The following HMGN5 variants were observed in gnomAD, a reference collection of about 807,000 sequenced individuals.
HMGN5 encodes the protein high mobility group nucleosome binding domain 5.
A neutral mutation model predicts 9.5 loss-of-function variants in HMGN5; 4 were observed. The observed-to-expected ratio is 0.42, with a 90% confidence interval of 0.21 to 0.96. HMGN5 has a LOEUF of 0.96. Among genes scored for constraint, HMGN5 ranks in the 40% least tolerant of loss-of-function variants. The pLI is 0.30. For missense variants in HMGN5, 192 were observed against 187.5 expected (o/e 1.02, Z -0.14); for synonymous variants, 55 against 57.1 (o/e 0.96, Z 0.16).
intron 1 of HMGN5, among the ~76,000 whole-genome samples, chrX:81,173,634 T>C (rs1394307234): frequency 1.8e-5 from 2 of 112,362 alleles, no homozygotes; most frequent in Non-Finnish European, 3.8e-5. Context: ...CGCTATTTTG[T>C]GTGTTTTATA....
At chrX:81,142,184 AAAT>A (rs2075331669) in intron 1 of HMGN5, among the ~76,000 whole-genome samples, 1 of 111,816 alleles carries the variant, frequency 8.9e-6, no homozygotes, top group Non-Finnish European at 1.9e-5. Flanking sequence ...AAAAAAGAAT[AAAT>A]AACCAAAAAG....
chrX:81,165,165 C>G (rs752874793), intron 1 of HMGN5, among the ~76,000 whole-genome samples: 2 of 110,687 alleles, frequency 1.8e-5, no homozygotes, highest in East Asian at 5.7e-4. Flanking sequence ...GTATTTTTTC[C>G]TTAGTTGGTC....
rs980967625 is a variant in HMGN5 at position 81,140,803 on chromosome X, C to T, written c.-123-19131G>A. ...GATGGAAAAGTAAAGGGAATTTTGT[C>T]TTGCACCTTAGTTACCAGCATGGCC... On this transcript the variant is annotated intron_variant, in intron 1 of 6. Coordinates refer to ENST00000358130, the MANE Select transcript of HMGN5 (RefSeq NM_030763.3). 2.7e-5 allele frequency among the ~76,000 whole-genome samples: 3 copies of T among 110,852 alleles called. No individual in the cohort carries two copies. In the Admixed American group the frequency reaches 2.9e-4, roughly 11 times the overall value.
intron 1 of HMGN5, among the ~76,000 whole-genome samples, chrX:81,187,510 G>A (rs1038402740): frequency 8.1e-5 from 9 of 111,229 alleles, no homozygotes; most frequent in African/African-American, 2.9e-4. Flanking sequence ...TCTGATATTA[G>A]TGTAGCTACT....
At chrX:81,174,647 G>T (rs1459703767) in intron 1 of HMGN5, among the ~76,000 whole-genome samples, 1 of 111,191 alleles carries the variant, frequency 9.0e-6, no homozygotes, top group Non-Finnish European at 1.9e-5. Flanking sequence ...TAAATATTAT[G>T]TCTTAGATTT....
intron 1 of HMGN5, 155 bp from the exon 2 acceptor site, chrX:81,121,827 C>A (rs2075269735): frequency 3.5e-6 from 1 of 282,261 alleles, no homozygotes; most frequent in Non-Finnish European, 6.2e-6. Flanking sequence ...GCGTGGCCCG[C>A]GAACTTGCCC....
At chrX:81,123,301 C>T (rs1049709516) in intron 1 of HMGN5, among the ~76,000 whole-genome samples, 2 of 110,863 alleles carry the variant, frequency 1.8e-5, no homozygotes, top group South Asian at 7.6e-4. Flanking sequence ...AATGAGCCTG[C>T]GTGACTGCTG....
At chrX:81,127,403 G>A (rs753146015) in intron 1 of HMGN5, among the ~76,000 whole-genome samples, 2 of 111,462 alleles carry the variant, frequency 1.8e-5, no homozygotes, top group South Asian at 7.5e-4. Context: ...AGAGAATAGT[G>A]GTGACCTGTC....
At position 81,121,522 on chromosome X, in the gene HMGN5, C is replaced by G. The variant is rs759619072; in HGVS notation, c.15+13G>C. The G allele has an allele frequency of 2.7e-5, 32 of 1,201,565 alleles. No individual in the cohort carries two copies. The East Asian group carries it at 6.5e-4, about 25-fold the overall frequency. On this transcript the variant is annotated intron_variant, in intron 2 of 6. Transcript: ENST00000358130. ...AGCAGCTCATTCCCCGTCTGTCTTTCCATTTCACTTACCTTTCTTTTGGGC... is the reference window on the plus strand; with the variant it reads ...AGCAGCTCATTCCCCGTCTGTCTTTGCATTTCACTTACCTTTCTTTTGGGC...
At chrX:81,118,512 G>A (rs767505530) in intron 4 of HMGN5, 27 bp from the exon 5 acceptor site, 4 of 1,114,618 alleles carry the variant, frequency 3.6e-6, no homozygotes, top group Non-Finnish European at 4.8e-6. Context: ...GAAAAGAAAA[G>A]AAAAGGAAAA....
chrX:81,184,558 ATTTTT>A (rs200858929), intron 1 of HMGN5, among the ~76,000 whole-genome samples: 2 of 100,985 alleles, frequency 2.0e-5, no homozygotes, highest in African/African-American at 7.1e-5. Flanking sequence ...CATTTTATTG[ATTTTT>A]TTTTTTTGTT....
intron 1 of HMGN5, among the ~76,000 whole-genome samples, chrX:81,153,347 G>C (rs900588102): frequency 9.6e-6 from 1 of 103,902 alleles, no homozygotes; most frequent in Non-Finnish European, 2.0e-5. Flanking sequence ...AAAGCCAGAA[G>C]TTCAAGACCA....
chrX:81,144,819 C>G (rs1167946533), intron 1 of HMGN5, among the ~76,000 whole-genome samples: 1 of 111,661 alleles, frequency 9.0e-6, no homozygotes, highest in Non-Finnish European at 1.9e-5. Context: ...CCTGATGGAG[C>G]TGAAAAACAT....
intron 5 of HMGN5, among the ~76,000 whole-genome samples, chrX:81,118,220 A>T (rs1268073634): frequency 1.8e-5 from 2 of 111,014 alleles, no homozygotes; most frequent in Non-Finnish European, 3.8e-5. Flanking sequence ...TTTTGTCTCT[A>T]CCCAGTGAAA....
intron 1 of HMGN5, among the ~76,000 whole-genome samples, chrX:81,136,864 C>A (rs1480573830): frequency 9.0e-6 from 1 of 111,283 alleles, no homozygotes; most frequent in African/African-American, 3.3e-5. Context: ...GAAAAAGACA[C>A]ACCAAGTAAA....
At chrX:81,135,867 G>A (rs1167783043) in intron 1 of HMGN5, among the ~76,000 whole-genome samples, 1 of 111,128 alleles carries the variant, frequency 9.0e-6, no homozygotes, top group Non-Finnish European at 1.9e-5. Context: ...GTGGTGATTA[G>A]GTCATTAAGA....
At chrX:81,155,247 T>C (rs13440963) in intron 1 of HMGN5, among the ~76,000 whole-genome samples, 1,900 of 103,821 alleles carry the variant, frequency 0.018, 40 homozygotes, top group African/African-American at 0.062. Context: ...TTATATAATA[T>C]ATAAATTATA....
At chrX:81,165,315 T>C (rs764128485) in intron 1 of HMGN5, among the ~76,000 whole-genome samples, 1 of 110,821 alleles carries the variant, frequency 9.0e-6, no homozygotes, top group East Asian at 2.8e-4. Flanking sequence ...ACTCATGATA[T>C]TTAAAATTGA....
intron 1 of HMGN5, among the ~76,000 whole-genome samples, chrX:81,126,335 T>C (rs900408209): frequency 6.3e-5 from 7 of 110,990 alleles, no homozygotes; most frequent in African/African-American, 2.3e-4. Flanking sequence ...ACTCTGGCTG[T>C]CAACCTACTT....
Sources: gnomAD v4.1 joint callset for allele counts (sites outside exome capture counted in the v4.1 genomes callset) on GRCh38, gnomAD v4.1.1 for gene constraint, MANE v1.5 for transcripts, NCBI Gene and HGNC (gene_info 2026-07-23, HGNC 2026-07-21) for gene names.